Variants in CAMK1G observed in about 807,000 individuals in gnomAD.
CAMK1G encodes the protein calcium/calmodulin dependent protein kinase IG.
CAMK1G carries 27 observed loss-of-function variants against 54.8 expected under a neutral mutation model. That is an observed-to-expected ratio of 0.49 (90% CI 0.36 to 0.68). CAMK1G has a LOEUF of 0.68. Among genes scored for constraint, CAMK1G ranks in the 30% least tolerant of loss-of-function variants. The pLI is 0.00. For missense variants in CAMK1G, 512 were observed against 591.0 expected, an observed-to-expected ratio of 0.87 and a Z score of 1.39; for synonymous variants, 238 against 224.9, an observed-to-expected ratio of 1.06 and a Z score of -0.52.
At chr1:209,593,752 C>CCTAGACTTCTGTCCCCTACCCATT (rs1297403479) in intron 1 of CAMK1G, among the ~76,000 whole-genome samples, 1 of 151,832 alleles carries the variant, frequency 6.6e-6, no homozygotes, top group Non-Finnish European at 1.5e-5. Flanking sequence ...TCATCTCTCT[C>CCTAGACTTCTGTCCCCTACCCATT]TTCACATCTC....
chr1:209,592,080 C>T (rs530504454), intron 1 of CAMK1G, among the ~76,000 whole-genome samples: 66 of 152,190 alleles, frequency 4.3e-4, no homozygotes, highest in African/African-American at 1.5e-3. Flanking sequence ...GGATTGATGG[C>T]TTATACCTGT....
At chr1:209,608,942 T>A (rs1273437488) in intron 7 of CAMK1G, 38 bp from the exon 8 acceptor site, 1 of 1,611,084 alleles carries the variant, frequency 6.2e-7, no homozygotes, top group Non-Finnish European at 8.5e-7. Flanking sequence ...GGAGGACAGG[T>A]TTGTTCAGTA....
chr1:209,593,946 A>AC (rs1665319311), intron 1 of CAMK1G, among the ~76,000 whole-genome samples: 1 of 151,654 alleles, frequency 6.6e-6, no homozygotes, highest in Non-Finnish European at 1.5e-5. Context: ...ACCACCCCCC[A>AC]CCATACGGAG....
intron 1 of CAMK1G, among the ~76,000 whole-genome samples, chr1:209,591,538 C>T (rs765394824): frequency 6.6e-5 from 10 of 152,314 alleles, no homozygotes; most frequent in African/African-American, 1.2e-4. Flanking sequence ...TCCATTGTAG[C>T]GTATAAATCT....
At chr1:209,602,991 G>A (rs1665565482) in intron 3 of CAMK1G, among the ~76,000 whole-genome samples, 1 of 152,154 alleles carries the variant, frequency 6.6e-6, no homozygotes, top group South Asian at 2.1e-4. Context: ...AAGGAAGGAT[G>A]ATCAATTATT....
At chr1:209,597,410 A>G (rs968131219) in intron 2 of CAMK1G, among the ~76,000 whole-genome samples, 1 of 152,188 alleles carries the variant, frequency 6.6e-6, no homozygotes, top group Non-Finnish European at 1.5e-5. Context: ...CTAGACCAAT[A>G]CTAATCTTAG....
chr1:209,612,353 G>A, intron 11 of CAMK1G, 137 bp downstream of exon 11: 1 of 939,600 alleles, frequency 1.1e-6, no homozygotes, highest in Non-Finnish European at 1.6e-6. Context: ...TGGATGAGGG[G>A]GCAAGGAAAA....
intron 9 of CAMK1G, 68 bp from the exon 10 acceptor site, chr1:209,611,397 C>T: frequency 2.8e-6 from 4 of 1,450,682 alleles, no homozygotes; most frequent in African/African-American, 1.4e-5. Flanking sequence ...CCTGCAGGCA[C>T]CCTGCCCACT....
rs528916086 is a variant in CAMK1G, at chr1:209,608,321, A to G, written c.635+388A>G. Among the ~76,000 whole-genome samples, 5 of 152,248 alleles carry G rather than the reference A, an allele frequency of 3.3e-5. No homozygotes were observed. In the South Asian group the frequency reaches 1.0e-3, roughly 32 times the overall value. ...AGCCAGGTGGACCCTCTGTTCCTAC[A>G]TCTCAGCTTTCCCAAGGCAAAACTG... On this transcript the variant is annotated intron_variant, in intron 7 of 12. Transcript: ENST00000361322.
intron 2 of CAMK1G, 27 bp from the exon 3 acceptor site, chr1:209,599,956 T>C (rs766070813): frequency 2.5e-6 from 4 of 1,610,990 alleles, no homozygotes; most frequent in Non-Finnish European, 3.4e-6. Flanking sequence ...CCCTACTAAG[T>C]TTTATCTTTT....
intron 1 of CAMK1G, among the ~76,000 whole-genome samples, chr1:209,592,448 G>A (rs1665281414): frequency 6.6e-6 from 1 of 151,566 alleles, no homozygotes; most frequent in Non-Finnish European, 1.5e-5. Context: ...GAGCTGACAT[G>A]AGCCGGCCCT....
At chr1:209,588,695 G>A (rs1394292112) in intron 1 of CAMK1G, among the ~76,000 whole-genome samples, 1 of 152,192 alleles carries the variant, frequency 6.6e-6, no homozygotes, top group African/African-American at 2.4e-5. Context: ...GGCCACTGCA[G>A]ACAAAGCTTA....
intron 1 of CAMK1G, among the ~76,000 whole-genome samples, chr1:209,588,798 C>A (rs1413529187): frequency 6.6e-6 from 1 of 152,180 alleles, no homozygotes; most frequent in African/African-American, 2.4e-5. Flanking sequence ...ATGGAAGGGG[C>A]ATCTGCCTCC....
At chr1:209,605,704 C>G in intron 5 of CAMK1G, 30 bp downstream of exon 5, 2 of 1,604,176 alleles carry the variant, frequency 1.2e-6, no homozygotes, top group Non-Finnish European at 1.7e-6. Context: ...GGGTGGGAAA[C>G]AGATAATGAC....
chr1:209,594,029 G>C (rs1409204666), intron 1 of CAMK1G, among the ~76,000 whole-genome samples: 2 of 152,062 alleles, frequency 1.3e-5, no homozygotes, highest in Non-Finnish European at 2.9e-5. Flanking sequence ...TTCCAGCTTT[G>C]GTGTTTTATT....
chr1:209,607,690 C>T, intron 6 of CAMK1G, 168 bp from the exon 7 acceptor site: 1 of 570,508 alleles, frequency 1.8e-6, no homozygotes, highest in Non-Finnish European at 3.1e-6. Flanking sequence ...AAGATTTAGT[C>T]TTCCCAGAAG....
intron 1 of CAMK1G, among the ~76,000 whole-genome samples, chr1:209,585,090 A>C (rs1301043938): frequency 6.6e-6 from 1 of 152,194 alleles, no homozygotes; most frequent in East Asian, 1.9e-4. Flanking sequence ...ATCTATTGAT[A>C]AATTCAGTGA....
chr1:209,603,185 C>T (rs761584903), intron 3 of CAMK1G, 29 bp from the exon 4 acceptor site: 31 of 1,612,566 alleles, frequency 1.9e-5, no homozygotes, highest in Non-Finnish European at 2.5e-5. Context: ...GAACCACATA[C>T]CTTTCATCAT....
chr1:209,611,307 G>A (rs775732879), intron 9 of CAMK1G, 158 bp from the exon 10 acceptor site: 32 of 189,242 alleles, frequency 1.7e-4, no homozygotes, highest in Non-Finnish European at 2.8e-4. Context: ...TTGCCCAGGG[G>A]CACAGAGGAG....
Sources: gnomAD v4.1 joint callset for allele counts (sites outside exome capture counted in the v4.1 genomes callset) on GRCh38, gnomAD v4.1.1 for gene constraint, MANE v1.5 for transcripts, NCBI Gene and HGNC (gene_info 2026-07-23, HGNC 2026-07-21) for gene names.